The following SMPDL3A variants were observed in gnomAD, a reference collection of about 807,000 sequenced individuals.
SMPDL3A encodes sphingomyelin phosphodiesterase acid like 3A, also known as cyclic GMP-AMP phosphodiesterase SMPDL3A.
Under a neutral mutation model 38.5 loss-of-function variants are expected in SMPDL3A, and 39 were observed. That is an observed-to-expected ratio of 1.01 (90% CI 0.78 to 1.32). The LOEUF (loss-of-function observed/expected upper bound fraction) is 1.32, where lower values mean the gene tolerates loss of function less well. SMPDL3A is among the 40% of genes most tolerant of loss of function. The pLI, the probability that SMPDL3A is intolerant of heterozygous loss-of-function variation, is 0.00. For synonymous variants in SMPDL3A, 180 were observed against 194.3 expected, an observed-to-expected ratio of 0.93 and a Z score of 0.61; for missense variants, 502 against 536.2, an observed-to-expected ratio of 0.94 and a Z score of 0.63.
In SMPDL3A at chr6:122,796,967, A is replaced by G; in HGVS notation, c.470A>G (p.Gln157Arg). The G allele has an allele frequency of 1.2e-6, 2 of 1,608,134 alleles. No homozygotes were observed. The highest frequency in any genetic ancestry group is 1.7e-6 in the Non-Finnish European group (2 of 1,178,308). ...PALGNHDYWP[Q>R]DQLPVVTSKV... is the part of the protein sequence containing the mutation. ...CTGGGTAATCATGACTATTGGCCAC[A>G]GGTAAATTTGATAGACTTTCAGAAA... Residue 157 changes from glutamine to arginine, a missense_variant and splice_region_variant, in exon 3 of 8, where the codon CAG becomes CGG. Physicochemically the swap from Gln to Arg is conservative, Grantham distance 43. Transcript: ENST00000368440.
chr6:122,797,216 GATTA>G (rs1201385597), intron 3 of SMPDL3A: 1 of 358,566 alleles, frequency 2.8e-6, no homozygotes, highest in Non-Finnish European at 4.9e-6. Context: ...GTTTGTGGAT[GATTA>G]ATTTATGTTT....
At chr6:122,801,842 CATA>C (rs1781438046) in intron 4 of SMPDL3A, among the ~76,000 whole-genome samples, 1 of 152,178 alleles carries the variant, frequency 6.6e-6, no homozygotes, top group Admixed American at 6.5e-5. Flanking sequence ...GAAAGTAATG[CATA>C]ATTAGTGCAT....
At chr6:122,792,742 T>C (rs866337614) in intron 1 of SMPDL3A, among the ~76,000 whole-genome samples, 1 of 151,774 alleles carries the variant, frequency 6.6e-6, no homozygotes, top group Admixed American at 6.6e-5. Flanking sequence ...CAAGAGATCC[T>C]TCCTAAGTTT....
rs1781612819 is a variant in SMPDL3A at position 122,806,274 on chromosome 6, C to T, written c.961C>T (p.Pro321Ser). 6.2e-7 allele frequency: 1 copy of T among 1,613,018 alleles called. No individual in the cohort carries two copies. The highest frequency in any genetic ancestry group is 8.5e-7 in the Non-Finnish European group (1 of 1,179,272). The change falls in exon 7 of 8, where the codon CCA (proline) becomes TCA (serine). Residue 321 changes from proline to serine, a missense_variant. By Grantham distance (74) the Pro-to-Ser change is moderately conservative. Transcript: ENST00000368440. ...TTTGTTTGTGGCTCCTGCTGTTACA[C>T]CAGTGAAGAGTGTTTTAGAAAAACA... The part of the protein sequence containing the change: ...NSLFVAPAVT[P>S]VKSVLEKQTN...
At chr6:122,794,447 A>C (rs1173132138) in intron 1 of SMPDL3A, among the ~76,000 whole-genome samples, 1 of 152,004 alleles carries the variant, frequency 6.6e-6, no homozygotes, top group Non-Finnish European at 1.5e-5. Context: ...AATACAAAAA[A>C]TTAGCTGGGT....
At chr6:122,793,628 A>C (rs1162989425) in intron 1 of SMPDL3A, among the ~76,000 whole-genome samples, 1 of 152,212 alleles carries the variant, frequency 6.6e-6, no homozygotes, top group Non-Finnish European at 1.5e-5. Flanking sequence ...AGATGTTTTC[A>C]AATAGTGACT....
chr6:122,795,919 A>G (rs1422611376), intron 2 of SMPDL3A, 29 bp downstream of exon 2: 1 of 1,474,988 alleles, frequency 6.8e-7, no homozygotes, highest in African/African-American at 1.4e-5. Context: ...ACCATTAATT[A>G]CTCAATATTT....
intron 3 of SMPDL3A, among the ~76,000 whole-genome samples, chr6:122,799,147 A>T (rs1293064436): frequency 1.3e-5 from 2 of 152,208 alleles, no homozygotes; most frequent in Non-Finnish European, 2.9e-5. Flanking sequence ...CACCCATGAC[A>T]TCAGAAGTAG....
chr6:122,806,730 T>C (rs1318974756), intron 7 of SMPDL3A, among the ~76,000 whole-genome samples: 2 of 152,194 alleles, frequency 1.3e-5, no homozygotes, highest in African/African-American at 4.8e-5. Context: ...TTCCCTCTCA[T>C]GAGCCATTAT....
chr6:122,808,415 C>G (rs1294980882), intron 7 of SMPDL3A, among the ~76,000 whole-genome samples: 1 of 152,172 alleles, frequency 6.6e-6, no homozygotes, highest in Non-Finnish European at 1.5e-5. Context: ...CTGGTACGAG[C>G]TGCCTTCAGC....
At chr6:122,802,284 C>T (rs1346093373) in intron 4 of SMPDL3A, among the ~76,000 whole-genome samples, 1 of 151,170 alleles carries the variant, frequency 6.6e-6, no homozygotes, top group African/African-American at 2.4e-5. Context: ...TCACAGCAAC[C>T]TCTGCCTCCT....
Position 122,809,459 on chromosome 6 carries a change from A to G in SMPDL3A, c.*51A>G, listed in dbSNP as rs144699451. The G allele has an allele frequency of 6.1e-3, 8,102 of 1,318,412 alleles. 66 individuals carry two copies. The highest frequency in any genetic ancestry group is 0.011 in the Middle Eastern group (42 of 3,716). 81.7% of individuals were successfully genotyped at this position (1,318,412 alleles called of 1,614,324 possible). A position where few individuals can be genotyped will look rare whatever the true frequency, so the allele number is the denominator to read the frequency against. On this transcript the variant is annotated 3_prime_UTR_variant, in exon 8 of 8. Coordinates refer to ENST00000368440, the MANE Select transcript of SMPDL3A (RefSeq NM_006714.5). ...AATGCTGATTCTGATTCTGAGATCA[A>G]TTTGTGGGAATTTTACATAAATCTT...
intron 5 of SMPDL3A, among the ~76,000 whole-genome samples, 155 bp downstream of exon 5, chr6:122,803,988 T>C (rs571348219): frequency 6.6e-6 from 1 of 151,994 alleles, no homozygotes; most frequent in South Asian, 2.1e-4. Context: ...TTCTTTCTTT[T>C]TTTTTTTTTT....
Position 122,797,134 on chromosome 6 carries a change from A to G in SMPDL3A, c.471+166A>G, listed in dbSNP as rs865784006. ...AAAGGCAAAGACAAGTACTTCGGGGACTGTAAAAGTAATCTTTTAATACTT... is the reference window on the plus strand; with the variant it reads ...AAAGGCAAAGACAAGTACTTCGGGGGCTGTAAAAGTAATCTTTTAATACTT... On this transcript the variant is annotated intron_variant, in intron 3 of 7. Transcript: ENST00000368440. The G allele has an allele frequency of 6.0e-6, 3 of 497,956 alleles. No individual in the cohort carries two copies. The Middle Eastern group carries it at 9.8e-4, about 163-fold the overall frequency. The allele number at this position is 497,956 out of a possible 1,614,324, so 30.8% of individuals were successfully genotyped here. A position where few individuals can be genotyped will look rare whatever the true frequency, so the allele number is the denominator to read the frequency against.
chr6:122,789,555 C>G, intron 1 of SMPDL3A, 97 bp downstream of exon 1: 2 of 1,126,776 alleles, frequency 1.8e-6, no homozygotes, highest in South Asian at 2.7e-5. Context: ...GCAGCTGCCC[C>G]CGGCAGAGGC....
At chr6:122,793,475 C>T (rs940675346) in intron 1 of SMPDL3A, among the ~76,000 whole-genome samples, 2 of 152,190 alleles carry the variant, frequency 1.3e-5, no homozygotes, top group African/African-American at 4.8e-5. Flanking sequence ...AATACAAATA[C>T]ATGTTCACGT....
intron 3 of SMPDL3A, among the ~76,000 whole-genome samples, chr6:122,798,084 C>T (rs1336601488): frequency 6.6e-6 from 1 of 152,178 alleles, no homozygotes; most frequent in East Asian, 1.9e-4. Flanking sequence ...GAATATCTTC[C>T]ATCTCATGTC....
chr6:122,796,144 A>G (rs1463247436), intron 2 of SMPDL3A, among the ~76,000 whole-genome samples: 1 of 152,178 alleles, frequency 6.6e-6, no homozygotes, highest in African/African-American at 2.4e-5. Context: ...ACTTGCATCA[A>G]TATCTTGAGG....
chr6:122,809,057 G>A (rs746020939), intron 7 of SMPDL3A, 34 bp from the exon 8 acceptor site: 2 of 1,551,794 alleles, frequency 1.3e-6, no homozygotes, highest in South Asian at 1.1e-5. Flanking sequence ...GTGCCAAAAA[G>A]TGAACCAGGT....
Sources: allele counts gnomAD v4.1 joint callset (sites outside exome capture counted in the v4.1 genomes callset), GRCh38; gene constraint gnomAD v4.1.1; transcripts MANE v1.5; gene names NCBI Gene and HGNC (gene_info 2026-07-23, HGNC 2026-07-21).